LARGE1: variants seen among roughly 807,000 people sequenced by gnomAD.
LARGE1 encodes the protein xylosyl- and glucuronyltransferase LARGE1.
Under a neutral mutation model 87.6 loss-of-function variants are expected in LARGE1, and 43 were observed. The ratio of observed to expected loss-of-function variants is 0.49; its 90% CI spans 0.38 to 0.63. The LOEUF is 0.63. LARGE1 is among the 30% of genes least tolerant of loss of function. The pLI is 0.00. For synonymous variants in LARGE1, 434 were observed against 394.6 expected (o/e 1.10, Z -1.18); for missense variants, 802 against 1,000.2 (o/e 0.80, Z 2.67).
intron 9 of LARGE1, among the ~76,000 whole-genome samples, chr22:33,363,075 G>C (rs1264218928): frequency 6.7e-6 from 1 of 149,888 alleles, no homozygotes; most frequent in African/African-American, 2.5e-5. Flanking sequence ...ACCCAGCATG[G>C]GGCTCCCGCT....
chr22:33,144,208 T>C, the LARGE1 span, among the ~76,000 whole-genome samples: 3 of 152,148 alleles, frequency 2.0e-5, no homozygotes, highest in African/African-American at 7.2e-5. Context: ...AAGTGATTGA[T>C]GGCTTGTTTC....
At chr22:33,117,128 A>G in the LARGE1 span, among the ~76,000 whole-genome samples, 53 of 152,296 alleles carry the variant, frequency 3.5e-4, no homozygotes, top group Non-Finnish European at 1.9e-4. Context: ...CCAAAGGAGC[A>G]GTGATTCTCT....
At chr22:33,172,306 A>C (rs146873143) in intron 11 of LARGE1, among the ~76,000 whole-genome samples, 2,501 of 152,274 alleles carry the variant, frequency 0.016, 38 homozygotes, top group Middle Eastern at 0.044. Context: ...CTTTTGAGTT[A>C]ATGCTGGAAT....
At chr22:33,901,591 A>C (rs927288297) in intron 1 of LARGE1, among the ~76,000 whole-genome samples, 10 of 152,180 alleles carry the variant, frequency 6.6e-5, no homozygotes, top group African/African-American at 2.4e-4. Flanking sequence ...GAATCGCTTA[A>C]GCCCAGGAGT....
chr22:33,551,185 T>C (rs2077513049), intron 6 of LARGE1, among the ~76,000 whole-genome samples: 1 of 152,218 alleles, frequency 6.6e-6, no homozygotes, highest in Admixed American at 6.5e-5. Flanking sequence ...ATGTACCCCA[T>C]ACATTTGTAC....
At position 33,420,063 on chromosome 22, in the gene LARGE1, G is replaced by C. The variant is rs200470665; in HGVS notation, c.892+12098C>G. ...CATCCCTGGCCTCTACCCACTAAGT[G>C]CCCGTAGAACCTCCTGGCTGTGACA... On this transcript the variant is annotated intron_variant, in intron 7 of 14. Transcript: ENST00000397394. 7.2e-5 allele frequency among the ~76,000 whole-genome samples: 11 copies of C among 152,256 alleles called. No homozygotes were observed. The East Asian group carries it at 1.9e-3, about 27-fold the overall frequency.
chr22:33,525,765 G>C (rs2071859306), intron 6 of LARGE1, among the ~76,000 whole-genome samples: 1 of 152,150 alleles, frequency 6.6e-6, no homozygotes, highest in Non-Finnish European at 1.5e-5. Context: ...CACCTGTCTG[G>C]TTAGCTGGCA....
chr22:33,833,875 C>A (rs983902946), intron 1 of LARGE1, among the ~76,000 whole-genome samples: 3 of 151,998 alleles, frequency 2.0e-5, no homozygotes. Context: ...TTAGTAGAGA[C>A]GAGGTTTCAC....
intron 1 of LARGE1, among the ~76,000 whole-genome samples, chr22:33,791,647 A>G (rs1340024705): frequency 6.6e-6 from 1 of 152,208 alleles, no homozygotes; most frequent in African/African-American, 2.4e-5. Context: ...CACTTTATGG[A>G]TAAATTTCTG....
intron 6 of LARGE1, among the ~76,000 whole-genome samples, chr22:33,526,642 C>G (rs925178846): frequency 6.6e-6 from 1 of 152,216 alleles, no homozygotes; most frequent in Admixed American, 6.5e-5. Flanking sequence ...GGGAAGAGTT[C>G]AGAGAGAGAA....
intron 3 of LARGE1, among the ~76,000 whole-genome samples, chr22:33,641,259 T>G (rs1210769922): frequency 1.3e-5 from 2 of 152,170 alleles, no homozygotes; most frequent in Admixed American, 1.3e-4. Flanking sequence ...AAACAGGGTA[T>G]GGAGTGGACC....
At chr22:33,916,913 G>A (rs1303726577) in intron 1 of LARGE1, among the ~76,000 whole-genome samples, 2 of 152,210 alleles carry the variant, frequency 1.3e-5, no homozygotes. Flanking sequence ...CCCCTTGGCT[G>A]TACTGTGCCC....
intron 10 of LARGE1, among the ~76,000 whole-genome samples, chr22:33,325,134 C>T (rs1013229968): frequency 3.9e-5 from 6 of 152,240 alleles, no homozygotes; most frequent in African/African-American, 1.4e-4. Flanking sequence ...ACTACAATGC[C>T]TAGTTGGTCA....
At chr22:33,685,590 C>A (rs2081920769) in intron 2 of LARGE1, among the ~76,000 whole-genome samples, 2 of 152,178 alleles carry the variant, frequency 1.3e-5, no homozygotes, top group South Asian at 4.1e-4. Context: ...GCATGAGACT[C>A]AAGCATATGA....
At chr22:33,213,071 C>T (rs1009900418) in intron 11 of LARGE1, among the ~76,000 whole-genome samples, 1 of 149,748 alleles carries the variant, frequency 6.7e-6, no homozygotes, top group African/African-American at 2.5e-5. Flanking sequence ...AAAATATCAA[C>T]ATTAATAGGA....
intron 6 of LARGE1, among the ~76,000 whole-genome samples, chr22:33,455,570 T>C (rs752644768): frequency 1.3e-5 from 2 of 151,824 alleles, no homozygotes; most frequent in Non-Finnish European, 2.9e-5. Context: ...ATGGCCAACA[T>C]AGTGAAACCC....
chr22:33,787,962 C>G (rs1229289079), intron 1 of LARGE1, among the ~76,000 whole-genome samples: 4 of 152,156 alleles, frequency 2.6e-5, no homozygotes, highest in Non-Finnish European at 5.9e-5. Flanking sequence ...TGGCCAAACA[C>G]TATAAAGGGA....
chr22:33,616,606 T>C (rs536205215), intron 4 of LARGE1, among the ~76,000 whole-genome samples: 44 of 152,106 alleles, frequency 2.9e-4, no homozygotes, highest in Admixed American at 5.2e-4. Context: ...ATGGGGTATA[T>C]TCATACAATG....
At chr22:33,132,719 C>T in the LARGE1 span, among the ~76,000 whole-genome samples, 5 of 151,808 alleles carry the variant, frequency 3.3e-5, no homozygotes, top group Non-Finnish European at 7.4e-5. Flanking sequence ...ATTCTTTGGT[C>T]CTTCTTTGAT....
Sources: allele counts gnomAD v4.1 joint callset (sites outside exome capture counted in the v4.1 genomes callset), GRCh38; gene constraint gnomAD v4.1.1; transcripts MANE v1.5; gene names NCBI Gene and HGNC (gene_info 2026-07-23, HGNC 2026-07-21).